The following RBFOX3 variants were observed in gnomAD, a reference collection of about 807,000 sequenced individuals.
The protein encoded by RBFOX3 is RNA binding fox-1 homolog 3.
Under a neutral mutation model 48.7 loss-of-function variants are expected in RBFOX3, and 17 were observed. That is an observed-to-expected ratio of 0.35 (90% CI 0.24 to 0.52). The LOEUF is 0.52. Among genes scored for constraint, RBFOX3 ranks in the 20% least tolerant of loss-of-function variants. RBFOX3 has a pLI of 0.94. For missense variants in RBFOX3, 382 were observed against 497.5 expected (o/e 0.77, Z 2.21); for synonymous variants, 212 against 209.5 (o/e 1.01, Z -0.10).
chr17:79,592,359 G>C (rs1425608570), intron 1 of RBFOX3, among the ~76,000 whole-genome samples: 3 of 151,758 alleles, frequency 2.0e-5, no homozygotes, highest in Admixed American at 6.6e-5. Context: ...GTAAATGAGT[G>C]CATGTGTGTG....
At position 79,356,369 on chromosome 17, in the gene RBFOX3, T is replaced by TG. The variant is rs764787140; in HGVS notation, c.-174-48546_-174-48545insC. On this transcript the variant is annotated intron_variant, in intron 2 of 14. Coordinates refer to ENST00000693108, the MANE Select transcript of RBFOX3 (RefSeq NM_001350451.2). ...GGAAGTTTTTTTTTTTTTTTTTTTT[T>TG]TTTTTTTTTTTTTTTTTGAGGAGGA... Among the ~76,000 whole-genome samples, 370 of 124,414 alleles carry TG rather than the reference T, an allele frequency of 3.0e-3. 16 individuals are homozygous for TG. The highest frequency in any genetic ancestry group is 4.4e-3 in the Non-Finnish European group (263 of 59,306). 81.6% of individuals were successfully genotyped at this position (124,414 alleles called of 152,430 possible).
chr17:79,268,447 C>G (rs1416670981), intron 3 of RBFOX3, among the ~76,000 whole-genome samples: 1 of 152,198 alleles, frequency 6.6e-6, no homozygotes, highest in Non-Finnish European at 1.5e-5. Context: ...CAAGACAGAC[C>G]TTCTGGCCCT....
chr17:79,545,015 G>A (rs1200931718), intron 1 of RBFOX3, among the ~76,000 whole-genome samples: 4 of 146,410 alleles, frequency 2.7e-5, no homozygotes, highest in East Asian at 2.0e-4. Flanking sequence ...GAGAAAGCTC[G>A]CTCCTACAAA....
chr17:79,282,034 G>A (rs1238720210), intron 3 of RBFOX3, among the ~76,000 whole-genome samples: 1 of 152,212 alleles, frequency 6.6e-6, no homozygotes, highest in African/African-American at 2.4e-5. Flanking sequence ...GGGGATGGGA[G>A]GAGACTGACA....
the RBFOX3 span, among the ~76,000 whole-genome samples, chr17:79,654,417 C>A: frequency 6.6e-6 from 1 of 152,198 alleles, no homozygotes; most frequent in Non-Finnish European, 1.5e-5. Flanking sequence ...CACACCTAAG[C>A]AAATGAAAGA....
At chr17:79,282,673 A>G (rs1332385353) in intron 3 of RBFOX3, among the ~76,000 whole-genome samples, 1 of 152,236 alleles carries the variant, frequency 6.6e-6, no homozygotes, top group Non-Finnish European at 1.5e-5. Flanking sequence ...GTGCAGGGGA[A>G]GCCACCTCTG....
rs2064079229 is a variant in RBFOX3 at position 79,252,240 on chromosome 17, C to T, written c.-73-16435G>A. ...TTCAGAGGTCTGGCTTCAACCCGCA[C>T]CCTGATGCCAGCAATGCCCACTCTA... On this transcript the variant is annotated intron_variant, in intron 3 of 14. Coordinates refer to ENST00000693108, the MANE Select transcript of RBFOX3 (RefSeq NM_001350451.2). The surrounding 1 kb of genome is among the most constrained non-coding windows in gnomAD (Gnocchi z 4.0). Among the ~76,000 whole-genome samples the T allele has an allele frequency of 6.6e-6, 1 of 152,112 alleles. No individual in the cohort carries two copies. Among genetic ancestry groups the T allele is most frequent in the African/African-American group, 2.4e-5 (1 of 41,432 alleles).
rs1023476712 is a variant in RBFOX3, at chr17:79,393,290, C to A, written c.-174-85466G>T. 3.9e-5 allele frequency among the ~76,000 whole-genome samples: 6 copies of A among 152,388 alleles called. No individual in the cohort carries two copies. The East Asian group carries it at 1.2e-3, about 29-fold the overall frequency. On this transcript the variant is annotated intron_variant, in intron 2 of 14. Transcript: ENST00000693108. The stretch of plus-strand genomic sequence containing the variant: ...AGGCTTGGGGCACCTCTCCTACCCA[C>A]ACCCCAACCCCACACTTCCACCTGC...
rs2078455181 is a variant in RBFOX3 at position 79,479,444 on chromosome 17, T to A, written c.-175+3010A>T. Among the ~76,000 whole-genome samples, 2 of 152,186 alleles carry A rather than the reference T, an allele frequency of 1.3e-5. No individual in the cohort carries two copies. The highest frequency in any genetic ancestry group is 4.8e-5 in the African/African-American group (2 of 41,454). On this transcript the variant is annotated intron_variant, in intron 2 of 14. Coordinates refer to ENST00000693108, the MANE Select transcript of RBFOX3 (RefSeq NM_001350451.2). This position sits in a 1 kb window ranked among gnomAD's most constrained non-coding sequence, Gnocchi z 5.1. ...GGCCTCAGACTGCATTGCTCCTTGC[T>A]CTGAGGGGCTTCCTCTCAGAGGGGC...
At chr17:79,253,315 T>C (rs2064267930) in intron 3 of RBFOX3, among the ~76,000 whole-genome samples, 1 of 152,068 alleles carries the variant, frequency 6.6e-6, no homozygotes, top group South Asian at 2.1e-4. Context: ...AACTTTTAAT[T>C]ATATTCACTT....
At position 79,212,201 on chromosome 17, in the gene RBFOX3, A is replaced by G. The variant is rs766602596; in HGVS notation, c.-34+23565T>C. Among the ~76,000 whole-genome samples the G allele has an allele frequency of 1.3e-5, 2 of 152,206 alleles. No homozygotes were observed. Among genetic ancestry groups the G allele is most frequent in the Non-Finnish European group, 2.9e-5 (2 of 68,016 alleles). ...GGCTGGGGTCTCTGGACTCTTCTCCAGGAAAACCTTCAAACTCTAGACACC... is the reference window on the plus strand; with the variant it reads ...GGCTGGGGTCTCTGGACTCTTCTCCGGGAAAACCTTCAAACTCTAGACACC... On this transcript the variant is annotated intron_variant, in intron 4 of 14. Transcript: ENST00000693108. The surrounding 1 kb of genome is among the most constrained non-coding windows in gnomAD (Gnocchi z 4.7).
At chr17:79,340,427 C>T (rs35105443) in intron 2 of RBFOX3, among the ~76,000 whole-genome samples, 29,170 of 152,084 alleles carry the variant, frequency 0.19, 3,421 homozygotes, top group Non-Finnish European at 0.27. Flanking sequence ...TTCGTTCTTC[C>T]CCATGGGGCA....
intron 1 of RBFOX3, among the ~76,000 whole-genome samples, chr17:79,492,232 T>C (rs1251568890): frequency 6.6e-6 from 1 of 152,178 alleles, no homozygotes; most frequent in Non-Finnish European, 1.5e-5. Context: ...GAATCCTGCC[T>C]GCACTGGGGA....
At chr17:79,560,446 T>C (rs1424658684) in intron 1 of RBFOX3, among the ~76,000 whole-genome samples, 1 of 152,192 alleles carries the variant, frequency 6.6e-6, no homozygotes, top group Non-Finnish European at 1.5e-5. Context: ...TCCTTGACTG[T>C]AGCCTCAGGA....
intron 1 of RBFOX3, among the ~76,000 whole-genome samples, chr17:79,496,589 T>C (rs2081574820): frequency 6.6e-6 from 1 of 152,174 alleles, no homozygotes; most frequent in Non-Finnish European, 1.5e-5. Flanking sequence ...CTGGCGGGGC[T>C]TGGCTTCCCA....
Position 79,243,457 on chromosome 17 carries a change from G to C in RBFOX3, c.-73-7652C>G, listed in dbSNP as rs2148060867. 6.6e-6 allele frequency among the ~76,000 whole-genome samples: 1 copy of C among 152,276 alleles called. No individual in the cohort carries two copies. The highest frequency in any genetic ancestry group is 1.9e-4 in the East Asian group (1 of 5,166). On this transcript the variant is annotated intron_variant, in intron 3 of 14. Transcript: ENST00000693108. The surrounding 1 kb of genome is among the most constrained non-coding windows in gnomAD (Gnocchi z 7.9). The stretch of plus-strand genomic sequence containing the variant: ...CAGTTGACTCTTCCAGCTGTGCTGG[G>C]CTTTGCAAAGCCCATGTGCCTTTGC...
At chr17:79,549,961 T>C (rs1182950078) in intron 1 of RBFOX3, among the ~76,000 whole-genome samples, 25 of 152,008 alleles carry the variant, frequency 1.6e-4, no homozygotes, top group Non-Finnish European at 8.8e-5. Flanking sequence ...CGTGGACAGC[T>C]AACTTGTAGG....
chr17:79,367,126 G>T (rs1278916993), intron 2 of RBFOX3, among the ~76,000 whole-genome samples: 3 of 151,936 alleles, frequency 2.0e-5, no homozygotes, highest in Non-Finnish European at 4.4e-5. Flanking sequence ...CCCCAGGCCT[G>T]CATGTCACCT....
chr17:79,308,043 C>A (rs2076321089), intron 2 of RBFOX3, among the ~76,000 whole-genome samples: 1 of 152,172 alleles, frequency 6.6e-6, no homozygotes, highest in South Asian at 2.1e-4. Context: ...AGAAGATGCT[C>A]CCAGCTCTGC....
Sources: allele counts gnomAD v4.1 joint callset (sites outside exome capture counted in the v4.1 genomes callset), GRCh38; gene constraint gnomAD v4.1.1; non-coding constraint Gnocchi (gnomAD v3.1); transcripts MANE v1.5; gene names NCBI Gene and HGNC (gene_info 2026-07-23, HGNC 2026-07-21).